ACSF2: variants seen among roughly 807,000 people sequenced by gnomAD.
The protein encoded by ACSF2 is acyl-CoA synthetase family member 2.
ACSF2 carries 52 observed loss-of-function variants against 79.3 expected under a neutral mutation model. That is an observed-to-expected ratio of 0.66 (90% CI 0.53 to 0.83). The LOEUF (loss-of-function observed/expected upper bound fraction) is 0.83. Among genes scored for constraint, ACSF2 ranks in the 40% least tolerant of loss-of-function variants. The pLI is 0.00. For missense variants in ACSF2, 661 were observed against 803.3 expected (o/e 0.82, Z 2.14); for synonymous variants, 283 against 312.6 (o/e 0.91, Z 1.00).
rs2032010703 is a variant in ACSF2, at chr17:50,456,516, TGAG to T, written c.129-4159_129-4157del. Among the ~76,000 whole-genome samples the T allele has an allele frequency of 2.6e-5, 4 of 151,832 alleles. No individual in the cohort carries two copies. In the South Asian group the frequency reaches 6.2e-4, roughly 24 times the overall value. The stretch of plus-strand genomic sequence containing the variant: ...GGGAGGCCGAGGCGGGCGGATCACC[TGAG>T]GTCGGGAGTTTGAGACCAGCCTGAC... On this transcript the variant is annotated intron_variant, in intron 1 of 15. Transcript: ENST00000300441.
chr17:50,455,906 C>T (rs2031962714), intron 1 of ACSF2, among the ~76,000 whole-genome samples: 1 of 152,134 alleles, frequency 6.6e-6, no homozygotes, highest in South Asian at 2.1e-4. Flanking sequence ...TCTAAGAAAA[C>T]AGCCTTTCCA....
intron 10 of ACSF2, among the ~76,000 whole-genome samples, chr17:50,469,427 A>C (rs897268962): frequency 1.3e-5 from 2 of 152,048 alleles, no homozygotes; most frequent in African/African-American, 4.8e-5. Context: ...TCGGTCTCCC[A>C]CTTCAGACTC....
chr17:50,435,646 A>G (rs2030340936), intron 1 of ACSF2, among the ~76,000 whole-genome samples: 1 of 152,162 alleles, frequency 6.6e-6, no homozygotes. Flanking sequence ...TCCTGTGCTC[A>G]AGTGATTTTC....
chr17:50,462,653 C>A, intron 6 of ACSF2, 68 bp downstream of exon 6: 1 of 1,554,000 alleles, frequency 6.4e-7, no homozygotes, highest in South Asian at 1.2e-5. Flanking sequence ...GACACTTCCG[C>A]GGGGATGGGG....
At chr17:50,427,112 C>G in intron 1 of ACSF2, 1 of 901,438 alleles carries the variant, frequency 1.1e-6, no homozygotes, top group Non-Finnish European at 1.7e-6. Context: ...AGCAGCACCA[C>G]TGGGGAGCCC....
chr17:50,449,269 G>A (rs960956923), intron 1 of ACSF2, among the ~76,000 whole-genome samples: 4 of 151,742 alleles, frequency 2.6e-5, no homozygotes, highest in Admixed American at 6.6e-5. Context: ...TGCCTCCCTC[G>A]GCCTCCCAAA....
chr17:50,468,874 G>A (rs2032939686), intron 10 of ACSF2: 2 of 1,445,150 alleles, frequency 1.4e-6, no homozygotes, highest in Non-Finnish European at 1.8e-6. Context: ...GGGCAGCGGC[G>A]AGTCCTAGGC....
Position 50,463,427 on chromosome 17 carries a change from C to A in ACSF2, c.921C>A (p.Asn307Lys). 2 of 1,614,124 alleles carry A rather than the reference C, an allele frequency of 1.2e-6. No individual in the cohort carries two copies. The highest frequency in any genetic ancestry group is 1.7e-6 in the Non-Finnish European group (2 of 1,180,026). ...TPEQLRMILPNPLYHCLGSVA... is the reference protein window; with the variant it reads ...TPEQLRMILPKPLYHCLGSVA... Reference sequence around the variant, plus strand: ...AGCAGTTGCGGATGATCCTGCCCAACCCCCTGTACCATTGCCTGGGTTCCG... The same window carrying A: ...AGCAGTTGCGGATGATCCTGCCCAAACCCCTGTACCATTGCCTGGGTTCCG... Residue 307 changes from asparagine (N) to lysine (K), a missense_variant, in exon 8 of 16, where the codon AAC (asparagine) becomes AAA (lysine). Asn to Lys is a moderately conservative substitution (Grantham distance 94). Coordinates refer to ENST00000300441, the MANE Select transcript of ACSF2 (RefSeq NM_025149.6). The surrounding 1 kb of genome is among the most constrained non-coding windows in gnomAD (Gnocchi z 4.6).
In ACSF2 at chr17:50,459,549, A is replaced by G. The variant is rs113311893; in HGVS notation, c.129-1128A>G. Among the ~76,000 whole-genome samples, 1,401 of 152,310 alleles carry G rather than the reference A, an allele frequency of 9.2e-3. 23 individuals carry two copies. Among genetic ancestry groups the G allele is most frequent in the African/African-American group, 0.032 (1,320 of 41,562 alleles). ...AGGTGTGAGCCACCATGCCTGGCTC[A>G]GGTGCCACAGTTAATAAAAGGTGGG... On this transcript the variant is annotated intron_variant, in intron 1 of 15. Transcript: ENST00000300441.
intron 1 of ACSF2, among the ~76,000 whole-genome samples, chr17:50,457,369 T>C (rs2032077396): frequency 6.6e-6 from 1 of 152,196 alleles, no homozygotes; most frequent in Admixed American, 6.5e-5. Context: ...GGTGGCCATC[T>C]CTGGCCAGGA....
rs773750231 is a variant in ACSF2, at chr17:50,463,356, G to A, written c.889-39G>A. ...GCCAGCTAGAGAGGAACTGGCGTCTGGCTCCAAGACAGACCCAGCCTCCTG... is the reference window on the plus strand; with the variant it reads ...GCCAGCTAGAGAGGAACTGGCGTCTAGCTCCAAGACAGACCCAGCCTCCTG... On this transcript the variant is annotated intron_variant, in intron 7 of 15. Coordinates refer to ENST00000300441, the MANE Select transcript of ACSF2 (RefSeq NM_025149.6). The surrounding 1 kb of genome is among the most constrained non-coding windows in gnomAD (Gnocchi z 4.6). 1.2e-6 allele frequency: 2 copies of A among 1,611,448 alleles called. No homozygotes were observed. Among genetic ancestry groups the A allele is most frequent in the Non-Finnish European group, 1.7e-6 (2 of 1,178,448 alleles).
chr17:50,473,829 GC>G lies in ACSF2; in HGVS notation c.1617+28del, dbSNP rs765898816. 2.5e-6 allele frequency: 4 copies of G among 1,613,612 alleles called. No individual in the cohort carries two copies. In the African/African-American group the frequency reaches 4.0e-5, roughly 16 times the overall value. On this transcript the variant is annotated intron_variant, in intron 13 of 15. Coordinates refer to ENST00000300441, the MANE Select transcript of ACSF2 (RefSeq NM_025149.6). ...CAGGTGAGGCACTTGGCTCAGGTGA[GC>G]CCCCAGAAACAAGAAACACACATGA...
intron 1 of ACSF2, chr17:50,450,134 A>C (rs16949058): frequency 6.6e-5 from 10 of 152,588 alleles, no homozygotes; most frequent in African/African-American, 2.2e-4. Flanking sequence ...GTGGAGACAC[A>C]AACTGGCCAA....
intron 1 of ACSF2, among the ~76,000 whole-genome samples, chr17:50,443,066 T>TGCCCG (rs1423903080): frequency 6.6e-6 from 1 of 152,066 alleles, no homozygotes; most frequent in Non-Finnish European, 1.5e-5. Context: ...CACGCCACCA[T>TGCCCG]GCCCGGCTAA....
chr17:50,470,456 A>G (rs1178004714), intron 10 of ACSF2, among the ~76,000 whole-genome samples: 1 of 151,770 alleles, frequency 6.6e-6, no homozygotes, highest in Non-Finnish European at 1.5e-5. Flanking sequence ...TTTTATTTTG[A>G]TGGAAATAAA....
rs1375422908 is a variant in ACSF2, at chr17:50,469,062, G to C, written c.1216-1966G>C. The stretch of plus-strand genomic sequence containing the variant: ...CCCAGCCGGCTACCGTGCATGAGGG[G>C]GTGGGACCGTGGCCCCCGAGCCCCG... On this transcript the variant is annotated intron_variant, in intron 10 of 15. Transcript: ENST00000300441. 3.1e-6 allele frequency: 4 copies of C among 1,275,724 alleles called. No individual in the cohort carries two copies. In the East Asian group the frequency reaches 1.4e-4, roughly 43 times the overall value. The allele number at this position is 1,275,724 out of a possible 1,614,324, so 79.0% of individuals were successfully genotyped here.
chr17:50,474,360 G>T lies in ACSF2; in HGVS notation c.1797+93G>T. 2 of 1,537,166 alleles carry T rather than the reference G, an allele frequency of 1.3e-6. No homozygotes were observed. Among genetic ancestry groups the T allele is most frequent in the Non-Finnish European group, 1.8e-6 (2 of 1,113,030 alleles). On this transcript the variant is annotated intron_variant, in intron 15 of 15. Transcript: ENST00000300441. This position sits in a 1 kb window ranked among gnomAD's most constrained non-coding sequence, Gnocchi z 4.2. ...TTTCCTTCAGCAATGGGTGTGGAGA[G>T]ACTGGCAGTAGGGTGACCGGGTCAC...
chr17:50,468,671 T>C lies in ACSF2; in HGVS notation c.1216-2357T>C, dbSNP rs142134106. The C allele has an allele frequency of 2.9e-5, 46 of 1,613,996 alleles. No individual in the cohort carries two copies. The highest frequency in any genetic ancestry group is 3.6e-5 in the Non-Finnish European group (43 of 1,180,046). On this transcript the variant is annotated intron_variant, in intron 10 of 15. Transcript: ENST00000300441. ...GAGCAGCTTGGTCTTCTCTGACACC[T>C]TGGGGATCTTCTGCAGCCCCACCTT...
At position 50,470,892 on chromosome 17, in the gene ACSF2, T is replaced by G. The variant is rs1477298964; in HGVS notation, c.1216-136T>G. ...CCTGACCCCAGGCCCCTACCAATGA[T>G]GTCTCTGTTTCCACCATTCGGCTGC... On this transcript the variant is annotated intron_variant, in intron 10 of 15. Coordinates refer to ENST00000300441, the MANE Select transcript of ACSF2 (RefSeq NM_025149.6). 8.9e-6 allele frequency: 6 copies of G among 672,708 alleles called. No homozygotes were observed. In the African/African-American group the frequency reaches 8.9e-5, roughly 10 times the overall value. 41.7% of individuals were successfully genotyped at this position (672,708 alleles called of 1,614,324 possible).
Sources: gnomAD v4.1 joint callset for allele counts (sites outside exome capture counted in the v4.1 genomes callset) on GRCh38, gnomAD v4.1.1 for gene constraint, Gnocchi (gnomAD v3.1) non-coding constraint, MANE v1.5 for transcripts, NCBI Gene and HGNC (gene_info 2026-07-23, HGNC 2026-07-21) for gene names.